Variants in IRAG2 observed in about 807,000 individuals in gnomAD.
The protein encoded by IRAG2 is lymphoid restricted membrane protein.
A neutral mutation model predicts 69.9 loss-of-function variants in IRAG2; 45 were observed. That is an observed-to-expected ratio of 0.64 (90% CI 0.51 to 0.83). IRAG2 has a LOEUF of 0.83. Among genes scored for constraint, IRAG2 ranks in the 40% least tolerant of loss-of-function variants. IRAG2 has a pLI of 0.00. For missense variants in IRAG2, 520 were observed against 587.0 expected (o/e 0.89, Z 1.18); for synonymous variants, 193 against 202.4 (o/e 0.95, Z 0.40).
intron 3 of IRAG2, 137 bp from the exon 4 acceptor site, chr12:25,063,583 T>A (rs12307418): frequency 0.013 from 5,062 of 395,878 alleles, 238 homozygotes; most frequent in African/African-American, 0.094. Context: ...TTGACAGAAT[T>A]TATTTTCTTC....
intron 6 of IRAG2, among the ~76,000 whole-genome samples, chr12:25,017,500 T>C (rs1944540235): frequency 6.6e-6 from 1 of 152,082 alleles, no homozygotes; most frequent in African/African-American, 2.4e-5. Context: ...AGTGAATCAC[T>C]TGAGATCAAA....
chr12:25,063,604 T>C (rs1196119105), intron 3 of IRAG2, 116 bp from the exon 4 acceptor site: 1 of 397,110 alleles, frequency 2.5e-6, no homozygotes, highest in African/African-American at 2.1e-5. Context: ...TTGATCTCTC[T>C]CACAGGGTCA....
At position 25,083,352 on chromosome 12, in the gene IRAG2, T is replaced by C. The variant is rs1301786974; in HGVS notation, c.245-71T>C. The C allele has an allele frequency of 5.4e-6, 5 of 925,924 alleles. No individual in the cohort carries two copies. The East Asian group carries it at 1.2e-4, about 22-fold the overall frequency. The allele number at this position is 925,924 out of a possible 1,614,324, so 57.4% of individuals were successfully genotyped here. On this transcript the variant is annotated intron_variant, in intron 9 of 21. Transcript: ENST00000556887. Reference sequence around the variant, plus strand: ...GTTACTGGTCAGCCCATATTGCCACTCTCACTGTTTCCTCCTCTTTTACTT... The same window carrying C: ...GTTACTGGTCAGCCCATATTGCCACCCTCACTGTTTCCTCCTCTTTTACTT...
chr12:25,036,729 C>G (rs992074364), intron 15 of IRAG2: 2 of 398,078 alleles, frequency 5.0e-6, no homozygotes, highest in Non-Finnish European at 8.9e-6. Flanking sequence ...TTTTCTTCTA[C>G]TTTGTTAAGC....
chr12:25,076,604 C>G (rs2140074098), intron 6 of IRAG2: 1 of 982,686 alleles, frequency 1.0e-6, no homozygotes, highest in Non-Finnish European at 1.2e-6. Flanking sequence ...CATTCTCTTT[C>G]ATATTTCTTA....
At chr12:25,047,804 T>C (rs1254168121), upstream of IRAG2, among the ~76,000 whole-genome samples, 2 of 152,246 alleles carry the variant, frequency 1.3e-5, no homozygotes, top group East Asian at 1.9e-4. Flanking sequence ...TTCCTTTTTA[T>C]GACTGCGTAG....
At chr12:25,085,212 T>G (rs935212050) in intron 10 of IRAG2, among the ~76,000 whole-genome samples, 1 of 152,248 alleles carries the variant, frequency 6.6e-6, no homozygotes, top group Non-Finnish European at 1.5e-5. Context: ...TATCCTGAGC[T>G]GTCGCTCAGT....
intron 2 of IRAG2, among the ~76,000 whole-genome samples, chr12:25,007,746 T>C (rs1041440095): frequency 1.3e-5 from 2 of 152,214 alleles, no homozygotes; most frequent in Admixed American, 1.3e-4. Context: ...AGTCTCGAAC[T>C]CCTGACCTCA....
chr12:25,013,172 G>C (rs1171846383), intron 3 of IRAG2, among the ~76,000 whole-genome samples: 1 of 152,048 alleles, frequency 6.6e-6, no homozygotes, highest in Non-Finnish European at 1.5e-5. Context: ...ATGTGTATCA[G>C]GCCCTTAAAA....
rs141572576 is a variant in IRAG2, at chr12:25,106,971, G to C, written c.1177G>C (p.Glu393Gln). ...TAAAGATGACTCAGAGCCATCTGGA[G>C]AAGAAACAGTAGAAAGGACAAGGAA... The part of the protein sequence containing the change: ...KTKDDSEPSG[E>Q]ETVERTRKPS... The change falls in exon 21 of 22, where the codon GAA (glutamate) becomes CAA (glutamine). Residue 393 changes from glutamate (E) to glutamine (Q), a missense_variant. Transcript: ENST00000556887. The C allele has an allele frequency of 2.0e-5, 32 of 1,602,990 alleles. No homozygotes were observed. Among genetic ancestry groups the C allele is most frequent in the Non-Finnish European group, 2.7e-5 (32 of 1,173,162 alleles).
chr12:25,021,674 C>T (rs78165472), intron 7 of IRAG2, among the ~76,000 whole-genome samples: 3,687 of 152,262 alleles, frequency 0.024, 178 homozygotes, highest in African/African-American at 0.085. Context: ...CAGCAGTACT[C>T]TAGTATCATT....
chr12:25,060,576 G>T (rs1945555200), intron 1 of IRAG2, among the ~76,000 whole-genome samples: 1 of 151,828 alleles, frequency 6.6e-6, no homozygotes, highest in Non-Finnish European at 1.5e-5. Context: ...GGATCCTAGG[G>T]CTGTAATTTG....
At chr12:25,021,342 A>T (rs1944578927) in intron 7 of IRAG2, among the ~76,000 whole-genome samples, 1 of 151,954 alleles carries the variant, frequency 6.6e-6, no homozygotes, top group Admixed American at 6.6e-5. Context: ...AAAACCCAGA[A>T]AATATCTGGA....
At chr12:24,997,597 G>A in the IRAG2 span, 6 of 153,266 alleles carry the variant, frequency 3.9e-5, no homozygotes, top group South Asian at 6.1e-4. Flanking sequence ...GAGCACTGGC[G>A]AAGTCAAGCG....
chr12:25,069,301 AT>A, intron 5 of IRAG2, 48 bp from the exon 6 acceptor site: 1 of 828,640 alleles, frequency 1.2e-6, no homozygotes, highest in Non-Finnish European at 2.1e-6. Context: ...ATCTGCTAAG[AT>A]TTGCAGTTTT....
intron 9 of IRAG2, among the ~76,000 whole-genome samples, chr12:25,081,764 T>C (rs1947227493): frequency 6.6e-6 from 1 of 152,170 alleles, no homozygotes; most frequent in African/African-American, 2.4e-5. Context: ...AATACTAATA[T>C]GCAGGCATAA....
chr12:25,036,842 G>C (rs886724745), intron 15 of IRAG2, among the ~76,000 whole-genome samples: 2 of 152,200 alleles, frequency 1.3e-5, no homozygotes, highest in Non-Finnish European at 2.9e-5. Flanking sequence ...GTGTATATGA[G>C]TGTGAGGGTG....
chr12:25,050,460 CAAAG>C (rs1944838253), upstream of IRAG2, among the ~76,000 whole-genome samples: 1 of 146,286 alleles, frequency 6.8e-6, no homozygotes, highest in Non-Finnish European at 1.5e-5. Flanking sequence ...ACCCGGGAGC[CAAAG>C]GTTGCAGTGA....
At chr12:25,057,913 T>C (rs1446889251) in intron 1 of IRAG2, among the ~76,000 whole-genome samples, 5 of 152,230 alleles carry the variant, frequency 3.3e-5, no homozygotes, top group Non-Finnish European at 7.3e-5. Context: ...TGGGATTATG[T>C]TGTGTTTCTT....
Sources: gnomAD v4.1 joint callset for allele counts (sites outside exome capture counted in the v4.1 genomes callset) on GRCh38, gnomAD v4.1.1 for gene constraint, MANE v1.5 for transcripts, NCBI Gene and HGNC (gene_info 2026-07-23, HGNC 2026-07-21) for gene names.